ZC3H6: variants seen among roughly 807,000 people sequenced by gnomAD.
ZC3H6 encodes the protein zinc finger CCCH-type containing 6.
In ZC3H6, 40 loss-of-function variants were observed where a neutral mutation model predicts 107.7. The observed-to-expected ratio is 0.37, with a 90% CI of 0.29 to 0.48. The LOEUF is 0.48. ZC3H6 is among the 20% of genes least tolerant of loss of function. The probability of loss-of-function intolerance (pLI) is 0.98; values close to 1 mark genes in which losing one functional copy is unlikely to be tolerated. For synonymous variants in ZC3H6, 493 were observed against 487.9 expected, an observed-to-expected ratio of 1.01 and a Z score of -0.14; for missense variants, 1,267 against 1,410.4, an observed-to-expected ratio of 0.90 and a Z score of 1.63.
chr2:112,306,469 G>A (rs1368494888), intron 3 of ZC3H6, among the ~76,000 whole-genome samples: 4 of 151,940 alleles, frequency 2.6e-5, no homozygotes, highest in Non-Finnish European at 1.5e-5. Flanking sequence ...CACCGTGCAC[G>A]GCCTGAAGTC....
Position 112,332,927 on chromosome 2 carries a change from T to G in ZC3H6, c.*439T>G, listed in dbSNP as rs1382682196. The G allele has an allele frequency of 1.3e-5, 2 of 153,226 alleles. No homozygotes were observed. The highest frequency in any genetic ancestry group is 4.8e-5 in the African/African-American group (2 of 41,482). The allele number at this position is 153,226 out of a possible 1,614,324, so 9.5% of individuals were successfully genotyped here. A position where few individuals can be genotyped will look rare whatever the true frequency, so the allele number is the denominator to read the frequency against. On this transcript the variant is annotated 3_prime_UTR_variant, in exon 12 of 12. Transcript: ENST00000409871. ...TTTGTCAGCACAGAACTGATTAATA[T>G]GTAATGCTACCTGCTAATTAAAATG...
At chr2:112,286,885 A>G (rs1686620334) in intron 1 of ZC3H6, among the ~76,000 whole-genome samples, 2 of 152,222 alleles carry the variant, frequency 1.3e-5, no homozygotes, top group Admixed American at 6.5e-5. Flanking sequence ...AGGCCAAAGT[A>G]TAATTTGGAA....
chr2:112,290,419 T>C (rs1380900522), intron 1 of ZC3H6, among the ~76,000 whole-genome samples: 1 of 152,254 alleles, frequency 6.6e-6, no homozygotes, highest in Admixed American at 6.5e-5. Context: ...CCTTCCACAC[T>C]TCCCTGACGG....
At chr2:112,309,849 G>A (rs1393492351) in intron 3 of ZC3H6, 36 bp from the exon 4 acceptor site, 14 of 1,536,160 alleles carry the variant, frequency 9.1e-6, no homozygotes, top group Non-Finnish European at 1.2e-5. Context: ...ATATATAATT[G>A]AAAAATCCTG....
intron 7 of ZC3H6, among the ~76,000 whole-genome samples, chr2:112,319,991 G>T (rs1185088435): frequency 6.6e-6 from 1 of 152,162 alleles, no homozygotes; most frequent in African/African-American, 2.4e-5. Context: ...GGAGTCCAAT[G>T]GCGCGTTCTC....
At chr2:112,318,777 A>G (rs149569146) in intron 7 of ZC3H6, among the ~76,000 whole-genome samples, 6 of 152,292 alleles carry the variant, frequency 3.9e-5, no homozygotes, top group Non-Finnish European at 8.8e-5. Flanking sequence ...AGACCTGGGC[A>G]GTGATTACTG....
At chr2:112,330,025 T>C (rs1312318424) in intron 11 of ZC3H6, among the ~76,000 whole-genome samples, 1 of 151,990 alleles carries the variant, frequency 6.6e-6, no homozygotes, top group East Asian at 1.9e-4. Flanking sequence ...CAAAGTGTTC[T>C]CATAAAGTAT....
Position 112,335,822 on chromosome 2 carries a change from A to C in ZC3H6, c.*3334A>C, listed in dbSNP as rs140400897. ...TCAAGTTAGCAATTTCCTTAACTAC[A>C]TGAGTATCAGGAAGACAGGACTTCC... On this transcript the variant is annotated 3_prime_UTR_variant, in exon 12 of 12. Transcript: ENST00000409871. The C allele has an allele frequency of 6.6e-6, 1 of 152,130 alleles. No homozygotes were observed. The highest frequency in any genetic ancestry group is 1.5e-5 in the Non-Finnish European group (1 of 68,018). The allele number at this position is 152,130 out of a possible 1,614,324, so 9.4% of individuals were successfully genotyped here. A position where few individuals can be genotyped will look rare whatever the true frequency, so the allele number is the denominator to read the frequency against.
Position 112,332,429 on chromosome 2 carries a change from G to A in ZC3H6, c.3511G>A (p.Asp1171Asn), listed in dbSNP as rs1677056125. 6.2e-7 allele frequency: 1 copy of A among 1,611,260 alleles called. No homozygotes were observed. Among genetic ancestry groups the A allele is most frequent in the Non-Finnish European group, 8.5e-7 (1 of 1,179,454 alleles). ...TAATGATCCCGGTAGAGAAACAGAT[G>A]ACAAATCTCTGAAAGAGGTTTTTAA... ...PDNDPGRETD[D>N]KSLKEVFKTF... The change falls in exon 12 of 12, where the codon GAC becomes AAC. Residue 1171 changes from aspartate to asparagine, a missense_variant. Asp to Asn is a conservative substitution (Grantham distance 23). Coordinates refer to ENST00000409871, the MANE Select transcript of ZC3H6 (RefSeq NM_198581.3).
At chr2:112,276,344 G>A (rs1443517571) in intron 1 of ZC3H6, among the ~76,000 whole-genome samples, 2 of 151,432 alleles carry the variant, frequency 1.3e-5, no homozygotes, top group Non-Finnish European at 2.9e-5. Flanking sequence ...TCGGTGCTGA[G>A]GTCCTGCTTC....
In ZC3H6 at chr2:112,331,405, A is replaced by T; in HGVS notation, c.2487A>T (p.Glu829Asp). 1 of 1,613,710 alleles carries T rather than the reference A, an allele frequency of 6.2e-7. No homozygotes were observed. Among genetic ancestry groups the T allele is most frequent in the Non-Finnish European group, 8.5e-7 (1 of 1,179,838 alleles). Residue 829 changes from glutamate (E) to aspartate (D), a missense_variant, in exon 12 of 12, where the codon GAA (glutamate) becomes GAT (aspartate). By Grantham distance (45) the Glu-to-Asp change is conservative (BLOSUM62 2). This residue lies in a region of ZC3H6 where 925 missense variants were observed against 1,025.7 expected (regional missense o/e 0.90). Transcript: ENST00000409871. ...GCGATGATGATGATGAAGATACAGA[A>T]AGAGAACTGAGAGAAAAAGCTTTCT... The part of the protein sequence containing the change: ...KRGDDDDEDT[E>D]RELREKAFLI...
chr2:112,328,579 C>T (rs752563737), intron 11 of ZC3H6, among the ~76,000 whole-genome samples: 2 of 152,166 alleles, frequency 1.3e-5, no homozygotes, highest in Admixed American at 6.5e-5. Flanking sequence ...ATTTACCTAA[C>T]ATCACAGGAG....
At chr2:112,296,698 G>A (rs956720210) in intron 1 of ZC3H6, among the ~76,000 whole-genome samples, 1 of 152,090 alleles carries the variant, frequency 6.6e-6, no homozygotes, top group Non-Finnish European at 1.5e-5. Flanking sequence ...CCACTTTAGG[G>A]TCGTATCATA....
chr2:112,298,884 A>G (rs1344268573), intron 1 of ZC3H6, among the ~76,000 whole-genome samples: 1 of 152,256 alleles, frequency 6.6e-6, no homozygotes, highest in African/African-American at 2.4e-5. Flanking sequence ...TTAACTTAAA[A>G]TGAGACAGAT....
At chr2:112,319,790 T>C (rs1428729762) in intron 7 of ZC3H6, among the ~76,000 whole-genome samples, 1 of 152,182 alleles carries the variant, frequency 6.6e-6, no homozygotes, top group Non-Finnish European at 1.5e-5. Context: ...GTATGGTTAA[T>C]GACCTTCAAA....
chr2:112,295,676 AT>A (rs1229740829), intron 1 of ZC3H6, among the ~76,000 whole-genome samples: 1 of 152,104 alleles, frequency 6.6e-6, no homozygotes, highest in Non-Finnish European at 1.5e-5. Context: ...TTTCTCTCGC[AT>A]TTTTTGTAGC....
At chr2:112,322,589 A>G in intron 8 of ZC3H6, 60 bp from the exon 9 acceptor site, 2 of 1,513,332 alleles carry the variant, frequency 1.3e-6, no homozygotes, top group Non-Finnish European at 1.8e-6. Flanking sequence ...TAAGTCTTCT[A>G]GTTTTAAATG....
chr2:112,301,367 A>T (rs774634496), intron 2 of ZC3H6, among the ~76,000 whole-genome samples: 2 of 152,228 alleles, frequency 1.3e-5, no homozygotes, highest in African/African-American at 4.8e-5. Flanking sequence ...AGAAACAGGC[A>T]TATAGGGCCA....
At chr2:112,277,769 TGAA>T (rs1444363072) in intron 1 of ZC3H6, among the ~76,000 whole-genome samples, 2 of 130,760 alleles carry the variant, frequency 1.5e-5, no homozygotes, top group African/African-American at 3.4e-5. Context: ...TGTGCTGAGA[TGAA>T]GGAGATGGTT....
Sources: gnomAD v4.1 joint callset for allele counts (sites outside exome capture counted in the v4.1 genomes callset) on GRCh38, gnomAD v4.1.1 for gene constraint, gnomAD v4.1.1 regional missense constraint, MANE v1.5 for transcripts, NCBI Gene and HGNC (gene_info 2026-07-23, HGNC 2026-07-21) for gene names.